RXFP1: variants seen among roughly 807,000 people sequenced by gnomAD.
RXFP1 encodes relaxin receptor 1.
Under a neutral mutation model 89.8 loss-of-function variants are expected in RXFP1, and 73 were observed. The ratio of observed to expected loss-of-function variants is 0.81; its 90% CI spans 0.67 to 0.99. The LOEUF (loss-of-function observed/expected upper bound fraction) is 0.99, where lower values mean the gene tolerates loss of function less well. RXFP1 is among the 50% of genes least tolerant of loss of function. The pLI is 0.00. For missense variants in RXFP1, 793 were observed against 895.5 expected (o/e 0.89, Z 1.46); for synonymous variants, 277 against 305.5 (o/e 0.91, Z 0.97).
At chr4:158,587,940 C>T (rs889864359) in intron 2 of RXFP1, among the ~76,000 whole-genome samples, 2 of 152,044 alleles carry the variant, frequency 1.3e-5, no homozygotes, top group Non-Finnish European at 2.9e-5. Flanking sequence ...GAAAGTCTCT[C>T]AAAGAATTCT....
chr4:158,540,221 G>A (rs551746604), intron 1 of RXFP1, among the ~76,000 whole-genome samples: 9 of 152,084 alleles, frequency 5.9e-5, no homozygotes, highest in Middle Eastern at 6.3e-3. Context: ...GCAGAGCAGC[G>A]GCATGGGCTG....
intron 1 of RXFP1, among the ~76,000 whole-genome samples, chr4:158,544,561 T>C (rs1430128376): frequency 6.6e-6 from 1 of 152,110 alleles, no homozygotes; most frequent in Non-Finnish European, 1.5e-5. Flanking sequence ...AACTTGTCAT[T>C]TACATTAGGT....
intron 3 of RXFP1, among the ~76,000 whole-genome samples, chr4:158,594,721 A>G (rs1216241237): frequency 6.6e-6 from 1 of 152,190 alleles, no homozygotes; most frequent in Non-Finnish European, 1.5e-5. Context: ...TTGAATAAGT[A>G]TATTTTAAAC....
intron 9 of RXFP1, among the ~76,000 whole-genome samples, chr4:158,625,415 T>C (rs1209951638): frequency 1.3e-5 from 2 of 152,152 alleles, no homozygotes; most frequent in African/African-American, 2.4e-5. Context: ...GATTGCTAGA[T>C]AGGTTTAAGT....
Position 158,651,886 on chromosome 4 carries a change from GA to G in RXFP1, c.2109del (p.Lys703AsnfsTer30). On this transcript the variant is annotated frameshift_variant, in exon 18 of 18. Coordinates refer to ENST00000307765, the MANE Select transcript of RXFP1 (RefSeq NM_021634.4). LOFTEE classifies it high-confidence loss of function. ...CGGTTTTGGTATAACTACAGACAAAGAAAATCTATGGACAGCAAAGGTCAGA... is the reference window on the plus strand; with the variant it reads ...CGGTTTTGGTATAACTACAGACAAAGAAATCTATGGACAGCAAAGGTCAGA... Reference protein sequence around the residue: ...IHRFWYNYRQRKSMDSKGQKT... With the variant: ...IHRFWYNYRQXKSMDSKGQKT... 9 of 1,614,054 alleles carry G rather than the reference GA, an allele frequency of 5.6e-6. No homozygotes were observed. The highest frequency in any genetic ancestry group is 7.6e-6 in the Non-Finnish European group (9 of 1,180,014).
intron 8 of RXFP1, among the ~76,000 whole-genome samples, chr4:158,616,642 T>A (rs1764630593): frequency 6.7e-6 from 1 of 149,372 alleles, no homozygotes; most frequent in Non-Finnish European, 1.5e-5. Context: ...CTATCAAGTA[T>A]TTACATATAA....
intron 1 of RXFP1, among the ~76,000 whole-genome samples, chr4:158,533,269 A>G (rs1169095038): frequency 6.6e-6 from 1 of 152,206 alleles, no homozygotes; most frequent in Non-Finnish European, 1.5e-5. Context: ...GAAGGTGAGG[A>G]CTCAGGAAAG....
At chr4:158,562,145 A>G (rs1219847679) in intron 1 of RXFP1, among the ~76,000 whole-genome samples, 2 of 152,186 alleles carry the variant, frequency 1.3e-5, no homozygotes, top group East Asian at 1.9e-4. Context: ...TCTCTTAATC[A>G]TAAAAAACAC....
chr4:158,548,327 T>G (rs1749091053), intron 1 of RXFP1, among the ~76,000 whole-genome samples: 3 of 152,198 alleles, frequency 2.0e-5, no homozygotes, highest in Non-Finnish European at 4.4e-5. Flanking sequence ...ATCCCTTTAT[T>G]GTGAGCCTAT....
chr4:158,527,791 G>A (rs1316544978), intron 1 of RXFP1, among the ~76,000 whole-genome samples: 2 of 151,866 alleles, frequency 1.3e-5, no homozygotes, highest in Non-Finnish European at 1.5e-5. Flanking sequence ...GCAAGGTAAA[G>A]CTATAAAGGA....
At chr4:158,645,266 G>A (rs1373261840) in intron 15 of RXFP1, 128 bp downstream of exon 15, 3 of 656,574 alleles carry the variant, frequency 4.6e-6, no homozygotes, top group African/African-American at 1.8e-5. Context: ...CTTGTATGCT[G>A]TTTTCACATT....
intron 1 of RXFP1, among the ~76,000 whole-genome samples, chr4:158,562,767 T>A (rs1219833271): frequency 6.6e-6 from 1 of 152,106 alleles, no homozygotes; most frequent in Non-Finnish European, 1.5e-5. Flanking sequence ...ACATCCCCTG[T>A]GTTCAAGTTT....
chr4:158,643,471 T>TTG (rs1191259616), intron 14 of RXFP1, among the ~76,000 whole-genome samples: 1 of 143,222 alleles, frequency 7.0e-6, no homozygotes, highest in Admixed American at 7.0e-5. Context: ...TATGCTAGTT[T>TTG]TTTTTTTTTT....
At chr4:158,610,272 G>GATA (rs1201640984) in intron 6 of RXFP1, among the ~76,000 whole-genome samples, 1 of 151,948 alleles carries the variant, frequency 6.6e-6, no homozygotes, top group Non-Finnish European at 1.5e-5. Context: ...CTCAAAAAAT[G>GATA]ATAATAATAA....
intron 17 of RXFP1, among the ~76,000 whole-genome samples, chr4:158,650,904 A>G (rs1273513312): frequency 6.6e-6 from 1 of 152,168 alleles, no homozygotes; most frequent in Non-Finnish European, 1.5e-5. Flanking sequence ...AACCCAGGAG[A>G]TTGAAACCAA....
At position 158,599,848 on chromosome 4, in the gene RXFP1, A is replaced by T. The variant is rs536888341; in HGVS notation, c.392+417A>T. Reference sequence around the variant, plus strand: ...TAATATAATCTGATGTGTAAGTTAAAAAAGAAAATAAGGTAAATTGGATAA... The same window carrying T: ...TAATATAATCTGATGTGTAAGTTAATAAAGAAAATAAGGTAAATTGGATAA... On this transcript the variant is annotated intron_variant, in intron 4 of 17. Transcript: ENST00000307765. Among the ~76,000 whole-genome samples, 8 of 152,356 alleles carry T rather than the reference A, an allele frequency of 5.3e-5. No individual in the cohort carries two copies. In the South Asian group the frequency reaches 1.7e-3, roughly 32 times the overall value.
At chr4:158,637,400 AC>A (rs1385715246) in intron 12 of RXFP1, among the ~76,000 whole-genome samples, 1 of 152,042 alleles carries the variant, frequency 6.6e-6, no homozygotes, top group East Asian at 1.9e-4. Flanking sequence ...ATCATCCTCA[AC>A]CCTTATCTTT....
intron 1 of RXFP1, among the ~76,000 whole-genome samples, chr4:158,568,521 G>C (rs1171428658): frequency 6.6e-6 from 1 of 152,104 alleles, no homozygotes. Flanking sequence ...AATTAATAAA[G>C]ATATAAAAAG....
At chr4:158,592,337 G>A (rs915242024) in intron 2 of RXFP1, among the ~76,000 whole-genome samples, 1 of 152,178 alleles carries the variant, frequency 6.6e-6, no homozygotes, top group Non-Finnish European at 1.5e-5. Context: ...ACTCTGGGGG[G>A]CCGAGGCTGG....
Sources: allele counts gnomAD v4.1 joint callset (sites outside exome capture counted in the v4.1 genomes callset), GRCh38; gene constraint gnomAD v4.1.1; transcripts MANE v1.5; gene names NCBI Gene and HGNC (gene_info 2026-07-23, HGNC 2026-07-21).